The following NCOA2 variants were observed in gnomAD, a reference collection of about 807,000 sequenced individuals.
The protein encoded by NCOA2 is nuclear receptor coactivator 2, also known as class E basic helix-loop-helix protein 75.
A neutral mutation model predicts 145.1 loss-of-function variants in NCOA2; 21 were observed. The observed-to-expected ratio is 0.14, with a 90% CI of 0.10 to 0.21. NCOA2 has a LOEUF of 0.21. Among genes scored for constraint, NCOA2 ranks in the 10% least tolerant of loss-of-function variants. The pLI is 1.00. For synonymous variants in NCOA2, 619 were observed against 637.5 expected (o/e 0.97, Z 0.44); for missense variants, 1,472 against 1,837.6 (o/e 0.80, Z 3.64).
intron 1 of NCOA2, among the ~76,000 whole-genome samples, chr8:70,324,957 C>T (rs1007872432): frequency 2.6e-5 from 4 of 152,106 alleles, no homozygotes; most frequent in Admixed American, 6.5e-5. Flanking sequence ...CTATCTCTAC[C>T]CCCATGAAGT....
intron 1 of NCOA2, among the ~76,000 whole-genome samples, chr8:70,308,039 T>C (rs1458142756): frequency 6.6e-6 from 1 of 152,210 alleles, no homozygotes; most frequent in Admixed American, 6.5e-5. Context: ...GAATCATTCA[T>C]GTACATGTTT....
At chr8:70,128,345 T>C in intron 18 of NCOA2, 88 bp downstream of exon 18, 1 of 1,123,878 alleles carries the variant, frequency 8.9e-7, no homozygotes. Flanking sequence ...GATCCACGTC[T>C]ACTAAGTTAA....
At position 70,390,282 on chromosome 8, in the gene NCOA2, T is replaced by C. The variant is rs535657827; in HGVS notation, c.-77+13418A>G. 3.0e-4 allele frequency among the ~76,000 whole-genome samples: 46 copies of C among 152,358 alleles called. No homozygotes were observed. In the East Asian group the frequency reaches 8.5e-3, roughly 28 times the overall value. On this transcript the variant is annotated intron_variant, in intron 1 of 22. Coordinates refer to ENST00000452400, the MANE Select transcript of NCOA2 (RefSeq NM_006540.4). ...AAGGCCATTAGCCTAACAATGACTC[T>C]AAGAGGACTTACTTTGAGTCAGAGG...
intron 1 of NCOA2, among the ~76,000 whole-genome samples, chr8:70,386,403 T>C (rs187588262): frequency 2.3e-4 from 35 of 152,288 alleles, no homozygotes; most frequent in African/African-American, 7.2e-4. Context: ...ATCTACAAAA[T>C]GGATCATCTG....
Position 70,113,110 on chromosome 8 carries a change from G to C in NCOA2, c.*522C>G, listed in dbSNP as rs1806690527. 4.9e-6 allele frequency: 1 copy of C among 202,944 alleles called. No homozygotes were observed. The highest frequency in any genetic ancestry group is 1.0e-5 in the Non-Finnish European group (1 of 98,294). 12.6% of individuals were successfully genotyped at this position (202,944 alleles called of 1,614,324 possible). A position where few individuals can be genotyped will look rare whatever the true frequency, so the allele number is the denominator to read the frequency against. ...AAATACAGCGCTGTCCACGGTGTCT[G>C]TCCTGCTTCCATCCCAAATTCAGGC... is the stretch of plus-strand genomic sequence containing the variant. On this transcript the variant is annotated 3_prime_UTR_variant, in exon 23 of 23. Coordinates refer to ENST00000452400, the MANE Select transcript of NCOA2 (RefSeq NM_006540.4).
chr8:70,124,195 G>A, intron 20 of NCOA2, 113 bp from the exon 21 acceptor site: 2 of 993,762 alleles, frequency 2.0e-6, no homozygotes, highest in Non-Finnish European at 3.0e-6. Context: ...AACCTGAACT[G>A]CATGAACCCA....
intron 19 of NCOA2, among the ~76,000 whole-genome samples, chr8:70,125,844 GCA>G (rs1272576796): frequency 1.3e-5 from 2 of 152,140 alleles, no homozygotes; most frequent in African/African-American, 2.4e-5. Flanking sequence ...AGAACTTTCA[GCA>G]CACTTTTCTA....
chr8:70,406,004 G>T (rs1814772163), upstream of NCOA2, among the ~76,000 whole-genome samples: 2 of 152,056 alleles, frequency 1.3e-5, no homozygotes, highest in African/African-American at 2.4e-5. Flanking sequence ...ACAATCTCTG[G>T]GTGCCCTCTG....
At chr8:70,204,656 ATATT>A (rs1475203183) in intron 4 of NCOA2, among the ~76,000 whole-genome samples, 4 of 152,296 alleles carry the variant, frequency 2.6e-5, no homozygotes, top group Non-Finnish European at 4.4e-5. Flanking sequence ...AATCCAACAA[ATATT>A]TATTTTACAT....
chr8:70,152,781 C>T (rs1811885822), intron 11 of NCOA2, among the ~76,000 whole-genome samples: 1 of 152,188 alleles, frequency 6.6e-6, no homozygotes. Flanking sequence ...CGAAGTACTT[C>T]CTGTCATTAA....
At position 70,360,967 on chromosome 8, in the gene NCOA2, C is replaced by T. The variant is rs950173989; in HGVS notation, c.-77+42733G>A. 2.0e-5 allele frequency among the ~76,000 whole-genome samples: 3 copies of T among 148,236 alleles called. No individual in the cohort carries two copies. In the East Asian group the frequency reaches 6.0e-4, roughly 30 times the overall value. ...CAAAAAAAAAAAAAAAAAAAAGTTA[C>T]TTGTAAAATACTGATCTCATTGTGG... On this transcript the variant is annotated intron_variant, in intron 1 of 22. Transcript: ENST00000452400.
At chr8:70,421,449 T>C in the NCOA2 span, among the ~76,000 whole-genome samples, 1 of 152,008 alleles carries the variant, frequency 6.6e-6, no homozygotes, top group South Asian at 2.1e-4. Flanking sequence ...TCGTAGCTAC[T>C]CAGGATGCGG....
intron 2 of NCOA2, among the ~76,000 whole-genome samples, chr8:70,232,937 T>C (rs1241646383): frequency 6.6e-6 from 1 of 150,450 alleles, no homozygotes; most frequent in Non-Finnish European, 1.5e-5. Flanking sequence ...AGAAAGATAA[T>C]ACATGTCGGC....
chr8:70,330,554 C>G (rs1268638056), intron 1 of NCOA2, among the ~76,000 whole-genome samples: 1 of 142,970 alleles, frequency 7.0e-6, no homozygotes, highest in African/African-American at 2.6e-5. Flanking sequence ...CTGAGTGACA[C>G]AGACACCATG....
At chr8:70,423,852 G>A in the NCOA2 span, among the ~76,000 whole-genome samples, 1 of 152,130 alleles carries the variant, frequency 6.6e-6, no homozygotes, top group African/African-American at 2.4e-5. Flanking sequence ...TCCCACAGCA[G>A]CAATAGAGCC....
intron 4 of NCOA2, among the ~76,000 whole-genome samples, chr8:70,202,885 G>A (rs1474338926): frequency 6.6e-6 from 1 of 152,150 alleles, no homozygotes; most frequent in Non-Finnish European, 1.5e-5. Context: ...AGTCTCCTTG[G>A]AAGGACCAAT....
At chr8:70,273,759 C>T in intron 2 of NCOA2, 1 of 601,466 alleles carries the variant, frequency 1.7e-6, no homozygotes, top group Non-Finnish European at 3.2e-6. Context: ...AAAAGCACCA[C>T]TTACTACTGG....
intron 1 of NCOA2, among the ~76,000 whole-genome samples, chr8:70,398,558 T>C (rs1048937681): frequency 4.6e-5 from 7 of 152,230 alleles, no homozygotes; most frequent in South Asian, 2.1e-4. Flanking sequence ...CTACAAAGCA[T>C]AAATTCTGCC....
chr8:70,118,994 G>A (rs1312265456), intron 22 of NCOA2, among the ~76,000 whole-genome samples: 1 of 151,950 alleles, frequency 6.6e-6, no homozygotes, highest in Non-Finnish European at 1.5e-5. Context: ...GGCCAGGAGA[G>A]GATTTTTTAT....
Sources: gnomAD v4.1 joint callset for allele counts (sites outside exome capture counted in the v4.1 genomes callset) on GRCh38, gnomAD v4.1.1 for gene constraint, MANE v1.5 for transcripts, NCBI Gene and HGNC (gene_info 2026-07-23, HGNC 2026-07-21) for gene names.